Variants in OS9 observed in about 807,000 individuals in gnomAD.
OS9 encodes OS9 endoplasmic reticulum lectin, also known as protein OS-9.
OS9 carries 58 observed loss-of-function variants against 84.7 expected under a neutral mutation model. The ratio of observed to expected loss-of-function variants is 0.68; its 90% CI spans 0.55 to 0.85. OS9 has a LOEUF of 0.85. OS9 is among the 40% of genes least tolerant of loss of function. OS9 has a pLI of 0.00. For missense variants in OS9, 760 were observed against 850.9 expected (o/e 0.89, Z 1.33); for synonymous variants, 278 against 320.8 (o/e 0.87, Z 1.43).
At chr12:57,717,163 C>T (rs1400528501) in intron 9 of OS9, among the ~76,000 whole-genome samples, 2 of 152,314 alleles carry the variant, frequency 1.3e-5, no homozygotes, top group East Asian at 1.9e-4. Flanking sequence ...GTCCTAAAAG[C>T]TAGAGTGACT....
intron 5 of OS9, 61 bp from the exon 6 acceptor site, chr12:57,715,699 C>T: frequency 1.4e-5 from 18 of 1,259,162 alleles, no homozygotes; most frequent in South Asian, 1.4e-4. Flanking sequence ...GACACCTGCT[C>T]TAATAACTAA....
At chr12:57,720,027 G>C in intron 12 of OS9, 72 bp from the exon 13 acceptor site, 1 of 1,411,526 alleles carries the variant, frequency 7.1e-7, no homozygotes. Context: ...TTTAGGGGGA[G>C]ATGACCCCCA....
In OS9 at chr12:57,715,813, C is replaced by T. The variant is rs766330889; in HGVS notation, c.633C>T (p.Asp211=). 9.9e-6 allele frequency: 16 copies of T among 1,613,872 alleles called. No individual in the cohort carries two copies. Among genetic ancestry groups the T allele is most frequent in the Middle Eastern group, 1.6e-4 (1 of 6,062 alleles). The change falls in exon 6 of 15, where the codon GAC becomes GAT. Residue 211 remains aspartate, a synonymous_variant. Transcript: ENST00000315970. ...GISGDYIDRV[D]EPLSCSYVLT... is the part of the protein sequence containing the mutation. ...CTGGGGACTACATCGATCGCGTGGA[C>T]GAGCCCTTGTCCTGCTCTTATGTGC... is the stretch of plus-strand genomic sequence containing the variant.
At position 57,718,160 on chromosome 12, in the gene OS9, A is replaced by G. The variant is rs763650064; in HGVS notation, c.1149A>G (p.Ile383Met). 177 of 1,613,686 alleles carry G rather than the reference A, an allele frequency of 1.1e-4. No homozygotes were observed. The highest frequency in any genetic ancestry group is 1.5e-4 in the Non-Finnish European group (172 of 1,179,806). ...TACCCACCCAGGGGAAGCCAAATAT[A>G]GGCCAAGAGCAGCCTGTGGATGATG... ...KGGTKKGKPN[I>M]GQEQPVDDAA... The change falls in exon 11 of 15, where the codon ATA becomes ATG. Residue 383 changes from isoleucine to methionine, a missense_variant. Transcript: ENST00000315970.
intron 5 of OS9, among the ~76,000 whole-genome samples, chr12:57,710,778 G>A (rs1954301851): frequency 1.3e-5 from 2 of 152,106 alleles, no homozygotes; most frequent in African/African-American, 4.8e-5. Context: ...GGTGGCTCAT[G>A]CCTGTAATCC....
chr12:57,696,819 C>A (rs116259761), intron 5 of OS9, among the ~76,000 whole-genome samples: 1 of 150,602 alleles, frequency 6.6e-6, no homozygotes, highest in Non-Finnish European at 1.5e-5. Flanking sequence ...AAAAAAAAAA[C>A]CCACATTATT....
intron 5 of OS9, among the ~76,000 whole-genome samples, chr12:57,698,256 T>C (rs970177591): frequency 1.3e-5 from 2 of 152,314 alleles, no homozygotes; most frequent in South Asian, 2.1e-4. Flanking sequence ...TTGTGTTCCT[T>C]CACCACTTAA....
rs961199788 is a variant in OS9 at position 57,720,459 on chromosome 12, G to A, written c.1819G>A (p.Ala607Thr). ...ATGGGCTGAAGGGACTGAAGAGGGT[G>A]CACGTTGGCTGACTGATGAGGACAC... Reference protein sequence around the residue: ...RPWAEGTEEGARWLTDEDTRN... With the variant: ...RPWAEGTEEGTRWLTDEDTRN... Residue 607 changes from alanine to threonine, a missense_variant, in exon 14 of 15, where the codon GCA (alanine) becomes ACA (threonine). Transcript: ENST00000315970. 1 of 1,614,038 alleles carries A rather than the reference G, an allele frequency of 6.2e-7. No homozygotes were observed. Among genetic ancestry groups the A allele is most frequent in the Non-Finnish European group, 8.5e-7 (1 of 1,179,952 alleles).
At chr12:57,695,121 A>G (rs1953787605) in intron 2 of OS9, 195 bp downstream of exon 2, 7 of 597,132 alleles carry the variant, frequency 1.2e-5, no homozygotes, top group Non-Finnish European at 1.8e-5. Flanking sequence ...TGAACGTAGG[A>G]GCAGGTTAGG....
In OS9 at chr12:57,720,495, A is replaced by C. The variant is rs776607606; in HGVS notation, c.1855A>C (p.Lys619Gln). ...GACTGATGAGGACACGAGAAACCTC[A>C]AGGAGATCTTCTTCAATATCTTGGT... ...WLTDEDTRNLKEIFFNILVPG... is the reference protein window; with the variant it reads ...WLTDEDTRNLQEIFFNILVPG... The change falls in exon 14 of 15, where the codon AAG becomes CAG. Residue 619 changes from lysine to glutamine, a missense_variant. Lys to Gln is a moderately conservative substitution (Grantham distance 53). Coordinates refer to ENST00000315970, the MANE Select transcript of OS9 (RefSeq NM_006812.4). 4 of 1,612,318 alleles carry C rather than the reference A, an allele frequency of 2.5e-6. No individual in the cohort carries two copies. In the Admixed American group the frequency reaches 6.7e-5, roughly 27 times the overall value.
At chr12:57,719,303 C>A in intron 12 of OS9, 121 bp downstream of exon 12, 1 of 764,778 alleles carries the variant, frequency 1.3e-6, no homozygotes, top group Non-Finnish European at 2.1e-6. Flanking sequence ...TCCCCACTTT[C>A]TGGAACACTG....
intron 10 of OS9, 21 bp downstream of exon 10, chr12:57,717,979 A>G: frequency 6.3e-7 from 1 of 1,592,548 alleles, no homozygotes; most frequent in Non-Finnish European, 8.6e-7. Context: ...TGCTTAGGGA[A>G]TGGGTAGAAC....
In OS9 at chr12:57,719,049, A is replaced by G. The variant is rs750254756; in HGVS notation, c.1467A>G (p.Ala489=). The G allele has an allele frequency of 1.5e-5, 25 of 1,613,982 alleles. No homozygotes were observed. The highest frequency in any genetic ancestry group is 4.4e-5 in the South Asian group (4 of 91,076). The stretch of plus-strand genomic sequence containing the variant: ...AGAAGGAGTCAGAGCGGGATCGGGC[A>G]ATGCTGGCTCTCACATCCACTCTCA... ...GLKKESERDR[A]MLALTSTLNK... Residue 489 remains alanine (A), a synonymous_variant, in exon 12 of 15, where the codon GCA becomes GCG. Coordinates refer to ENST00000315970, the MANE Select transcript of OS9 (RefSeq NM_006812.4).
In OS9 at chr12:57,694,204, C is replaced by T; in HGVS notation, c.43C>T (p.Leu15Phe). Residue 15 changes from leucine (L) to phenylalanine (F), a missense_variant, in exon 1 of 15, where the codon CTT (leucine) becomes TTT (phenylalanine). Coordinates refer to ENST00000315970, the MANE Select transcript of OS9 (RefSeq NM_006812.4). Reference sequence around the variant, plus strand: ...GCTGTCCAGTTTGTTAGGACTGCTGCTTCTGGGACTCCTGTTACCCGCAAG... The same window carrying T: ...GCTGTCCAGTTTGTTAGGACTGCTGTTTCTGGGACTCCTGTTACCCGCAAG... ...TLLSSLLGLL[L>F]LGLLLPASLT... 2 of 1,614,182 alleles carry T rather than the reference C, an allele frequency of 1.2e-6. No homozygotes were observed. Among genetic ancestry groups the T allele is most frequent in the Non-Finnish European group, 1.7e-6 (2 of 1,180,026 alleles).
chr12:57,718,398 G>A lies in OS9; in HGVS notation c.1387G>A (p.Glu463Lys). The change falls in exon 11 of 15, where the codon GAA becomes AAA. Residue 463 changes from glutamate (E) to lysine (K), a missense_variant. Transcript: ENST00000315970. ...RSEVKAGMER[E>K]LENIIQETEK... ...GGAGGTGAAGGCTGGCATGGAGCGGGAACTGGAAAACATCATCCAGGAGGC... is the reference window on the plus strand; with the variant it reads ...GGAGGTGAAGGCTGGCATGGAGCGGAAACTGGAAAACATCATCCAGGAGGC... 6.2e-7 allele frequency: 1 copy of A among 1,613,958 alleles called. No individual in the cohort carries two copies. Among genetic ancestry groups the A allele is most frequent in the Non-Finnish European group, 8.5e-7 (1 of 1,179,948 alleles).
At chr12:57,694,488 T>C (rs959564901) in intron 1 of OS9, among the ~76,000 whole-genome samples, 165 bp downstream of exon 1, 1 of 152,102 alleles carries the variant, frequency 6.6e-6, no homozygotes, top group Non-Finnish European at 1.5e-5. Flanking sequence ...AGACCAATTC[T>C]CTGGGGGCCA....
At chr12:57,713,005 C>T (rs561801301) in intron 5 of OS9, among the ~76,000 whole-genome samples, 2 of 152,216 alleles carry the variant, frequency 1.3e-5, no homozygotes, top group African/African-American at 2.4e-5. Flanking sequence ...ATAGTTTAGT[C>T]CAGTTAATTG....
intron 5 of OS9, among the ~76,000 whole-genome samples, chr12:57,709,317 A>C (rs184032903): frequency 1.1e-4 from 16 of 152,310 alleles, no homozygotes; most frequent in Admixed American, 1.0e-3. Flanking sequence ...TTTCACTCTG[A>C]GTACTATTTT....
At position 57,694,865 on chromosome 12, in the gene OS9, A is replaced by T; in HGVS notation, c.278A>T (p.Tyr93Phe). The change falls in exon 2 of 15, where the codon TAC becomes TTC. Residue 93 changes from tyrosine to phenylalanine, a missense_variant. Tyr to Phe is a conservative substitution (Grantham distance 22). Transcript: ENST00000315970. ...GAAAGGGAGGAGGAAACACCTGCTT[A>T]CCAAGGGCCTGGGATCCCTGAGTTG... ...QREREEETPA[Y>F]QGPGIPELLS... 6.2e-7 allele frequency: 1 copy of T among 1,614,204 alleles called. No individual in the cohort carries two copies. The highest frequency in any genetic ancestry group is 8.5e-7 in the Non-Finnish European group (1 of 1,180,030).
Sources: gnomAD v4.1 joint callset for allele counts (sites outside exome capture counted in the v4.1 genomes callset) on GRCh38, gnomAD v4.1.1 for gene constraint, MANE v1.5 for transcripts, NCBI Gene and HGNC (gene_info 2026-07-23, HGNC 2026-07-21) for gene names.